The following OPRM1 variants were observed in gnomAD, a reference collection of about 807,000 sequenced individuals.
The protein encoded by OPRM1 is opioid receptor mu 1, also known as mu-type opioid receptor.
OPRM1 carries 27 observed loss-of-function variants against 31.8 expected under a neutral mutation model. That is an observed-to-expected ratio of 0.85 (90% CI 0.63 to 1.17). The LOEUF (loss-of-function observed/expected upper bound fraction) is 1.17, where lower values mean the gene tolerates loss of function less well. OPRM1 is among the 50% of genes most tolerant of loss of function. The pLI is 0.00. For missense variants in OPRM1, 536 were observed against 511.1 expected, an observed-to-expected ratio of 1.05 and a Z score of -0.47; for synonymous variants, 196 against 189.9, an observed-to-expected ratio of 1.03 and a Z score of -0.26.
At chr6:154,194,466 C>G (rs1776427122) in intron 3 of OPRM1, among the ~76,000 whole-genome samples, 1 of 152,162 alleles carries the variant, frequency 6.6e-6, no homozygotes, top group Non-Finnish European at 1.5e-5. Context: ...TTACCTTATT[C>G]ACATTCTGTC....
Position 154,118,800 on chromosome 6 carries a change from T to C in OPRM1, c.*79T>C. The stretch of plus-strand genomic sequence containing the variant: ...GGAAGCAGGTTGCTTCAAGAATGTG[T>C]AGGAGGCTCTAATTCTCTAGGAAAG... On this transcript the variant is annotated 3_prime_UTR_variant, in exon 4 of 4. Coordinates refer to ENST00000330432, the MANE Select transcript of OPRM1 (RefSeq NM_000914.5). 2 of 1,588,262 alleles carry C rather than the reference T, an allele frequency of 1.3e-6. No homozygotes were observed. Among genetic ancestry groups the C allele is most frequent in the South Asian group, 1.1e-5 (1 of 87,362 alleles).
At chr6:154,237,443 C>G (rs1399101237) in intron 3 of OPRM1, among the ~76,000 whole-genome samples, 1 of 152,180 alleles carries the variant, frequency 6.6e-6, no homozygotes, top group African/African-American at 2.4e-5. Flanking sequence ...AAAAACCATT[C>G]CTGGTATCTG....
intron 3 of OPRM1, chr6:154,110,390 C>T: frequency 3.3e-6 from 5 of 1,506,836 alleles, no homozygotes; most frequent in Non-Finnish European, 3.6e-6. Flanking sequence ...CTTTACTCAA[C>T]TGTGAGCATA....
intron 1 of OPRM1, among the ~76,000 whole-genome samples, chr6:154,017,662 A>C (rs1042314348): frequency 6.6e-6 from 1 of 152,176 alleles, no homozygotes; most frequent in Non-Finnish European, 1.5e-5. Flanking sequence ...AAAGGGAAGA[A>C]GTCTGAAGGA....
At chr6:154,151,503 C>T (rs1010121504) in intron 3 of OPRM1, among the ~76,000 whole-genome samples, 9 of 152,120 alleles carry the variant, frequency 5.9e-5, no homozygotes, top group Admixed American at 4.6e-4. Context: ...AACCTCCTGA[C>T]CTGAGTGGCT....
intron 3 of OPRM1, among the ~76,000 whole-genome samples, chr6:154,242,705 G>A (rs1401850556): frequency 6.6e-6 from 1 of 152,110 alleles, no homozygotes; most frequent in Non-Finnish European, 1.5e-5. Context: ...TGGCCAAGGT[G>A]GTGAAACCTT....
At chr6:154,172,658 G>T (rs1375095953) in intron 3 of OPRM1, among the ~76,000 whole-genome samples, 1 of 152,238 alleles carries the variant, frequency 6.6e-6, no homozygotes, top group African/African-American at 2.4e-5. Flanking sequence ...CAGCAGGGAA[G>T]CTCGAACTGG....
chr6:154,237,620 T>G (rs1780237311), intron 3 of OPRM1, among the ~76,000 whole-genome samples: 1 of 152,154 alleles, frequency 6.6e-6, no homozygotes, highest in Non-Finnish European at 1.5e-5. Context: ...TGGTCAACAT[T>G]TACTTGCAAG....
chr6:154,035,178 A>T (rs1397710034), upstream of OPRM1, among the ~76,000 whole-genome samples: 1 of 152,180 alleles, frequency 6.6e-6, no homozygotes, highest in Non-Finnish European at 1.5e-5. Flanking sequence ...ACAAGGAAGT[A>T]AATAGTTGAG....
At chr6:154,116,324 T>C (rs575492620) in intron 3 of OPRM1, among the ~76,000 whole-genome samples, 1 of 152,230 alleles carries the variant, frequency 6.6e-6, no homozygotes, top group East Asian at 1.9e-4. Flanking sequence ...TGGTGCCTCA[T>C]GCCTGTAATC....
intron 3 of OPRM1, among the ~76,000 whole-genome samples, chr6:154,225,558 C>G (rs1299690025): frequency 6.6e-6 from 1 of 152,130 alleles, no homozygotes; most frequent in African/African-American, 2.4e-5. Context: ...AGAGACAGAA[C>G]ACAGCTAATT....
At chr6:154,159,815 C>A (rs1798861967) in intron 3 of OPRM1, 2 of 1,596,274 alleles carry the variant, frequency 1.3e-6, no homozygotes, top group Non-Finnish European at 1.7e-6. Context: ...GAGGAGAAAA[C>A]CCTGACTTTG....
At chr6:154,226,460 G>A (rs188936232) in intron 3 of OPRM1, among the ~76,000 whole-genome samples, 149 of 151,820 alleles carry the variant, frequency 9.8e-4, no homozygotes, top group Non-Finnish European at 1.5e-3. Flanking sequence ...GCCAAAACAG[G>A]ACATGTGAGA....
chr6:154,099,107 C>A (rs1430097447), intron 3 of OPRM1, among the ~76,000 whole-genome samples: 2 of 151,944 alleles, frequency 1.3e-5, no homozygotes, highest in African/African-American at 4.8e-5. Flanking sequence ...TGACGAAAGT[C>A]GATCTCTGCA....
At chr6:154,105,596 A>G (rs1795456675) in intron 3 of OPRM1, among the ~76,000 whole-genome samples, 1 of 152,236 alleles carries the variant, frequency 6.6e-6, no homozygotes, top group Non-Finnish European at 1.5e-5. Flanking sequence ...AAAAAGTTTT[A>G]GGACAGCCAC....
In OPRM1 at chr6:154,129,852, GCACACACA is replaced by G. The variant is rs59576607; in HGVS notation, c.*11158_*11165del. On this transcript the variant is annotated 3_prime_UTR_variant, in exon 4 of 4. Transcript: ENST00000330432. ...TTACCACCGACACCCTCCCCCCCCA[GCACACACA>G]CACACACACACACACACACACACAC... is the stretch of plus-strand genomic sequence containing the variant. Among the ~76,000 whole-genome samples the G allele has an allele frequency of 3.9e-4, 51 of 131,560 alleles. 1 individual carries two copies. The Middle Eastern group carries it at 0.011, about 29-fold the overall frequency. The allele number at this position is 131,560 out of a possible 152,430, so 86.3% of individuals were successfully genotyped here.
At chr6:154,152,390 A>AAGAAAGAAAGAAAGAAAGAAAGAG (rs1360734115) in intron 3 of OPRM1, among the ~76,000 whole-genome samples, 18 of 126,292 alleles carry the variant, frequency 1.4e-4, no homozygotes, top group African/African-American at 4.3e-4. Flanking sequence ...GAAAGAAAGA[A>AAGAAAGAAAGAAAGAAAGAAAGAG]AGAGAAATAG....
chr6:154,215,351 C>T (rs1408605336), intron 3 of OPRM1, among the ~76,000 whole-genome samples: 2 of 152,124 alleles, frequency 1.3e-5, no homozygotes, highest in Non-Finnish European at 2.9e-5. Context: ...GTTCATGCCT[C>T]CCAGCACTTC....
intron 1 of OPRM1, 136 bp downstream of exon 1, chr6:154,039,970 C>A: frequency 4.7e-6 from 3 of 632,150 alleles, no homozygotes; most frequent in Non-Finnish European, 7.6e-6. Context: ...CTGGAGGAGA[C>A]CACGGACAGT....
Sources: gnomAD v4.1 joint callset for allele counts (sites outside exome capture counted in the v4.1 genomes callset) on GRCh38, gnomAD v4.1.1 for gene constraint, MANE v1.5 for transcripts, NCBI Gene and HGNC (gene_info 2026-07-23, HGNC 2026-07-21) for gene names.